The following CALCRL variants were observed in gnomAD, a reference collection of about 807,000 sequenced individuals.
CALCRL encodes the protein calcitonin receptor like receptor, also known as calcitonin gene-related peptide type 1 receptor.
CALCRL carries 27 observed loss-of-function variants against 60.4 expected under a neutral mutation model. The observed-to-expected ratio is 0.45, with a 90% confidence interval of 0.33 to 0.62. The LOEUF is 0.62. Ranked by LOEUF, CALCRL falls within the 20% of genes least tolerant of loss-of-function variation. CALCRL has a pLI of 0.03. For missense variants in CALCRL, 424 were observed against 540.7 expected (o/e 0.78, Z 2.14); for synonymous variants, 190 against 182.6 (o/e 1.04, Z -0.33).
intron 1 of CALCRL, among the ~76,000 whole-genome samples, chr2:187,396,435 A>T (rs926945495): frequency 1.3e-4 from 20 of 151,770 alleles, no homozygotes; most frequent in Admixed American, 1.3e-4. Flanking sequence ...AACAGGCTTA[A>T]TGCTTATAGG....
intron 5 of CALCRL, among the ~76,000 whole-genome samples, chr2:187,382,442 A>G (rs1688021645): frequency 1.3e-5 from 2 of 152,252 alleles, no homozygotes; most frequent in South Asian, 4.1e-4. Context: ...TACATAATAT[A>G]CAGCAAGAAG....
At chr2:187,398,268 C>T (rs527645041) in intron 1 of CALCRL, among the ~76,000 whole-genome samples, 1 of 151,750 alleles carries the variant, frequency 6.6e-6, no homozygotes, top group African/African-American at 2.4e-5. Context: ...ATTTTCCTTC[C>T]ACAAAGTCAG....
rs188706573 is a variant in CALCRL, at chr2:187,364,663, A to G, written c.501-1161T>C. On this transcript the variant is annotated intron_variant, in intron 8 of 14. Transcript: ENST00000392370. ...GGGATGCCACGGTTTTCTATATTTA[A>G]AAATTCAGTTTAGAGTATATTGCCT... Among the ~76,000 whole-genome samples the G allele has an allele frequency of 3.3e-5, 5 of 152,300 alleles. No homozygotes were observed. The South Asian group carries it at 8.3e-4, about 25-fold the overall frequency.
intron 1 of CALCRL, among the ~76,000 whole-genome samples, chr2:187,433,871 G>C (rs1455447198): frequency 6.6e-6 from 1 of 151,932 alleles, no homozygotes; most frequent in Non-Finnish European, 1.5e-5. Flanking sequence ...AAAAAATGAG[G>C]AATTATGTGA....
In CALCRL at chr2:187,383,116, A is replaced by G. The variant is rs570886101; in HGVS notation, c.184+57T>C. 50 of 1,537,098 alleles carry G rather than the reference A, an allele frequency of 3.3e-5. No individual in the cohort carries two copies. In the East Asian group the frequency reaches 9.6e-4, roughly 29 times the overall value. ...AAAGCACTTATAATGATATAATGGG[A>G]GTAGTTTTCTTTTAAAAATATGTCA... On this transcript the variant is annotated intron_variant, in intron 5 of 14. Transcript: ENST00000392370.
chr2:187,400,778 T>TAA (rs200164274), intron 1 of CALCRL, among the ~76,000 whole-genome samples: 4 of 149,652 alleles, frequency 2.7e-5, no homozygotes, highest in African/African-American at 9.8e-5. Context: ...AAAAAGACAG[T>TAA]AAAAAAAAAG....
At chr2:187,359,841 A>T (rs1686970388) in intron 10 of CALCRL, among the ~76,000 whole-genome samples, 1 of 151,940 alleles carries the variant, frequency 6.6e-6, no homozygotes, top group Non-Finnish European at 1.5e-5. Flanking sequence ...GAATACACTA[A>T]AATTGTGGGT....
At chr2:187,386,476 A>T (rs1291554318) in intron 3 of CALCRL, among the ~76,000 whole-genome samples, 1 of 152,276 alleles carries the variant, frequency 6.6e-6, no homozygotes, top group Admixed American at 6.5e-5. Flanking sequence ...AGTCATCTAC[A>T]TTATTCAAAT....
chr2:187,425,579 C>T (rs144305113), intron 1 of CALCRL, among the ~76,000 whole-genome samples: 1 of 151,902 alleles, frequency 6.6e-6, no homozygotes, highest in Non-Finnish European at 1.5e-5. Flanking sequence ...GTTCTAGTCA[C>T]AAATGCATTG....
chr2:187,385,598 T>C lies in CALCRL; in HGVS notation c.-3A>G. The stretch of plus-strand genomic sequence containing the variant: ...TACAGGGTACACTTTTTCTCCATCA[T>C]TAAGCCAAAATGAAATATGCTGTAT... On this transcript the variant is annotated 5_prime_UTR_variant, in exon 4 of 15. The change abolishes an upstream ATG in the 5' untranslated region. Transcript: ENST00000392370. The C allele has an allele frequency of 6.4e-7, 1 of 1,561,772 alleles. No individual in the cohort carries two copies. Among genetic ancestry groups the C allele is most frequent in the South Asian group, 1.2e-5 (1 of 86,806 alleles).
chr2:187,435,338 A>AAC (rs1215588290), intron 1 of CALCRL, among the ~76,000 whole-genome samples: 1 of 152,274 alleles, frequency 6.6e-6, no homozygotes, highest in Non-Finnish European at 1.5e-5. Context: ...TCTTTCAAAC[A>AAC]ACCAGACTTT....
intron 1 of CALCRL, among the ~76,000 whole-genome samples, chr2:187,439,307 A>T (rs1690786753): frequency 6.6e-6 from 1 of 152,142 alleles, no homozygotes; most frequent in Admixed American, 6.6e-5. Context: ...ACATGGCGAA[A>T]TCCCATCTCT....
intron 1 of CALCRL, among the ~76,000 whole-genome samples, chr2:187,438,956 C>A (rs1690771094): frequency 6.6e-6 from 1 of 152,164 alleles, no homozygotes. Context: ...TTTACTCTGG[C>A]ATCTCTTGAA....
chr2:187,416,297 C>A (rs2105860935), intron 1 of CALCRL, among the ~76,000 whole-genome samples: 1 of 152,234 alleles, frequency 6.6e-6, no homozygotes, highest in South Asian at 2.1e-4. Context: ...GGACATTCAG[C>A]ACTTATAATT....
At chr2:187,377,461 G>T (rs1207064217) in intron 8 of CALCRL, among the ~76,000 whole-genome samples, 1 of 152,046 alleles carries the variant, frequency 6.6e-6, no homozygotes, top group Non-Finnish European at 1.5e-5. Context: ...GTAAAGATGG[G>T]TCACTCTGGA....
At chr2:187,353,368 C>G (rs186050413) in intron 12 of CALCRL, among the ~76,000 whole-genome samples, 7 of 151,886 alleles carry the variant, frequency 4.6e-5, no homozygotes, top group African/African-American at 1.7e-4. Context: ...AATTTTCAAT[C>G]TATGCACCAA....
chr2:187,395,160 C>T (rs1688605102), intron 1 of CALCRL, among the ~76,000 whole-genome samples: 1 of 152,002 alleles, frequency 6.6e-6, no homozygotes, highest in South Asian at 2.1e-4. Context: ...CACAAAGATG[C>T]TTAGGTCTGA....
intron 1 of CALCRL, among the ~76,000 whole-genome samples, chr2:187,407,862 G>A (rs1689201596): frequency 6.6e-6 from 1 of 152,066 alleles, no homozygotes; most frequent in Admixed American, 6.6e-5. Context: ...CTGAAGTGAG[G>A]CTGGTTCCAG....
chr2:187,349,704 C>T (rs1686443192), intron 14 of CALCRL, among the ~76,000 whole-genome samples: 1 of 151,558 alleles, frequency 6.6e-6, no homozygotes, highest in African/African-American at 2.4e-5. Flanking sequence ...AAAATTTTCT[C>T]AATTTTAGGA....
Sources: gnomAD v4.1 joint callset for allele counts (sites outside exome capture counted in the v4.1 genomes callset) on GRCh38, gnomAD v4.1.1 for gene constraint, MANE v1.5 for transcripts, NCBI Gene and HGNC (gene_info 2026-07-23, HGNC 2026-07-21) for gene names.